The following EIF4G3 variants were observed in gnomAD, a reference collection of about 807,000 sequenced individuals.
EIF4G3 encodes eIF-4-gamma 3.
Under a neutral mutation model 186.4 loss-of-function variants are expected in EIF4G3, and 34 were observed. The observed-to-expected ratio is 0.18, with a 90% CI of 0.14 to 0.24. The LOEUF is 0.24. Ranked by LOEUF, EIF4G3 falls within the 10% of genes least tolerant of loss-of-function variation. EIF4G3 has a pLI of 1.00. For synonymous variants in EIF4G3, 673 were observed against 679.5 expected, an observed-to-expected ratio of 0.99 and a Z score of 0.15; for missense variants, 1,536 against 1,948.5, an observed-to-expected ratio of 0.79 and a Z score of 3.99.
intron 12 of EIF4G3, among the ~76,000 whole-genome samples, chr1:20,953,230 G>A (rs2096286226): frequency 1.3e-5 from 2 of 152,080 alleles, no homozygotes; most frequent in African/African-American, 2.4e-5. Context: ...GCAAGTCTTC[G>A]CACACTGTTG....
chr1:21,105,044 G>A (rs1370928616), intron 2 of EIF4G3, among the ~76,000 whole-genome samples: 1 of 152,172 alleles, frequency 6.6e-6, no homozygotes, highest in Non-Finnish European at 1.5e-5. Context: ...TAGACAGCAA[G>A]GTCTACTTGA....
chr1:21,126,073 G>A (rs1166666433), intron 2 of EIF4G3, among the ~76,000 whole-genome samples: 2 of 151,738 alleles, frequency 1.3e-5, no homozygotes, highest in Non-Finnish European at 2.9e-5. Context: ...GCGTGGTGGT[G>A]GCACATACCT....
chr1:20,913,336 A>G (rs1162626446), intron 14 of EIF4G3, among the ~76,000 whole-genome samples: 1 of 152,182 alleles, frequency 6.6e-6, no homozygotes, highest in Non-Finnish European at 1.5e-5. Flanking sequence ...GAGTTCCAAG[A>G]CTAGCCTGAG....
chr1:21,132,237 T>A (rs1573034947), intron 2 of EIF4G3, among the ~76,000 whole-genome samples: 2 of 152,032 alleles, frequency 1.3e-5, no homozygotes, highest in African/African-American at 4.8e-5. Flanking sequence ...AAATAAAAAT[T>A]TATCATTTTC....
At chr1:21,142,702 T>G (rs1478219743) in intron 2 of EIF4G3, among the ~76,000 whole-genome samples, 1 of 152,158 alleles carries the variant, frequency 6.6e-6, no homozygotes, top group Non-Finnish European at 1.5e-5. Context: ...CTGACATACT[T>G]CCCTTCATAC....
intron 3 of EIF4G3, among the ~76,000 whole-genome samples, chr1:21,067,488 A>C (rs1215028449): frequency 1.3e-5 from 2 of 152,094 alleles, no homozygotes; most frequent in Non-Finnish European, 2.9e-5. Context: ...GAGCAAATTC[A>C]CATTAAATAT....
At chr1:20,981,252 T>TA in intron 8 of EIF4G3, 25 bp from the exon 9 acceptor site, 2 of 1,188,256 alleles carry the variant, frequency 1.7e-6, no homozygotes, top group Non-Finnish European at 2.2e-6. Flanking sequence ...AAAAAAAAAT[T>TA]TTTTTTTTTT....
chr1:20,994,166 C>T (rs535912041), intron 7 of EIF4G3, among the ~76,000 whole-genome samples: 2 of 152,202 alleles, frequency 1.3e-5, no homozygotes, highest in African/African-American at 2.4e-5. Context: ...GTATTATATA[C>T]GGCAGCTTTG....
Position 20,825,193 on chromosome 1 carries a change from A to C in EIF4G3, c.4275T>G (p.His1425Gln). The C allele has an allele frequency of 6.3e-7, 1 of 1,577,628 alleles. No homozygotes were observed. The highest frequency in any genetic ancestry group is 8.6e-7 in the Non-Finnish European group (1 of 1,156,762). The change falls in exon 33 of 37, where the codon CAT (histidine) becomes CAG (glutamine). Residue 1425 changes from histidine to glutamine, a missense_variant. Around this residue, in one of 11 missense-constraint regions of EIF4G3, gnomAD observed 395 missense variants for 498.9 expected, o/e 0.79. Transcript: ENST00000602326. ...ILHLLCKQMS[H>Q]KKVGALWREA... ...CCCTCCATAAGGCTCCCACTTTCTT[A>C]TGGCTCTAAAATAGAGATAAATCCA...
intron 2 of EIF4G3, among the ~76,000 whole-genome samples, chr1:21,127,712 T>C (rs2097074157): frequency 6.6e-6 from 1 of 152,168 alleles, no homozygotes; most frequent in South Asian, 2.1e-4. Flanking sequence ...AAGGCACTAA[T>C]ATTCAAGAAA....
intron 14 of EIF4G3, 78 bp from the exon 15 acceptor site, chr1:20,905,049 T>G (rs1000612169): frequency 1.9e-6 from 2 of 1,063,018 alleles, no homozygotes; most frequent in Non-Finnish European, 1.4e-6. Flanking sequence ...GATACCTATA[T>G]TCAAATTAAG....
intron 2 of EIF4G3, among the ~76,000 whole-genome samples, chr1:21,151,830 A>T (rs920322309): frequency 6.6e-6 from 1 of 152,148 alleles, no homozygotes; most frequent in Non-Finnish European, 1.5e-5. Flanking sequence ...CTGTTACATT[A>T]CCTAGGGCCA....
intron 29 of EIF4G3, among the ~76,000 whole-genome samples, chr1:20,846,770 G>A (rs1354492260): frequency 2.0e-5 from 3 of 152,176 alleles, no homozygotes; most frequent in African/African-American, 4.8e-5. Flanking sequence ...TCAGACAGAG[G>A]TGCATTTGAA....
At chr1:21,146,614 G>A (rs762046771) in intron 2 of EIF4G3, among the ~76,000 whole-genome samples, 8 of 151,926 alleles carry the variant, frequency 5.3e-5, no homozygotes, top group Non-Finnish European at 8.8e-5. Context: ...AAAATTAACC[G>A]GGCATGGTGG....
chr1:20,825,537 A>G (rs1258693247), intron 32 of EIF4G3, among the ~76,000 whole-genome samples: 1 of 152,218 alleles, frequency 6.6e-6, no homozygotes, highest in East Asian at 1.9e-4. Flanking sequence ...ACATAAATAC[A>G]ATGGTGAATA....
intron 4 of EIF4G3, among the ~76,000 whole-genome samples, chr1:21,049,286 A>G (rs1013693450): frequency 6.6e-6 from 1 of 152,166 alleles, no homozygotes; most frequent in African/African-American, 2.4e-5. Flanking sequence ...TCAACCCTAC[A>G]GAGAAAGGCT....
chr1:21,160,965 G>C (rs981050106), intron 2 of EIF4G3, among the ~76,000 whole-genome samples: 2 of 152,134 alleles, frequency 1.3e-5, no homozygotes, highest in Non-Finnish European at 2.9e-5. Context: ...GAGGTCGGGA[G>C]TTCGTGACCA....
chr1:20,876,621 G>A (rs2080952624), intron 20 of EIF4G3, among the ~76,000 whole-genome samples: 2 of 152,090 alleles, frequency 1.3e-5, no homozygotes, highest in Non-Finnish European at 1.5e-5. Flanking sequence ...AAGATTAACT[G>A]GCTGGGGCTG....
At chr1:20,852,824 A>G (rs1297913949) in intron 27 of EIF4G3, among the ~76,000 whole-genome samples, 1 of 152,190 alleles carries the variant, frequency 6.6e-6, no homozygotes, top group Non-Finnish European at 1.5e-5. Flanking sequence ...CTTTGTTTCA[A>G]TAGAAGTCAA....
Sources: gnomAD v4.1 joint callset for allele counts (sites outside exome capture counted in the v4.1 genomes callset) on GRCh38, gnomAD v4.1.1 for gene constraint, gnomAD v4.1.1 regional missense constraint, MANE v1.5 for transcripts, NCBI Gene and HGNC (gene_info 2026-07-23, HGNC 2026-07-21) for gene names.